The following PHF12 variants were observed in gnomAD, a reference collection of about 807,000 sequenced individuals.
PHF12 encodes the protein PHD finger protein 12.
In PHF12, 6 loss-of-function variants were observed where a neutral mutation model predicts 99.8. The ratio of observed to expected loss-of-function variants is 0.06; its 90% CI spans 0.03 to 0.12. The LOEUF (loss-of-function observed/expected upper bound fraction) is 0.12, where lower values mean the gene tolerates loss of function less well. Among genes scored for constraint, PHF12 ranks in the 10% least tolerant of loss-of-function variants. The pLI is 1.00. For missense variants in PHF12, 954 were observed against 1,300.1 expected (o/e 0.73, Z 4.09); for synonymous variants, 480 against 514.9 (o/e 0.93, Z 0.92).
intron 2 of PHF12, among the ~76,000 whole-genome samples, chr17:28,937,184 G>T (rs187014660): frequency 6.6e-6 from 1 of 152,216 alleles, no homozygotes; most frequent in Admixed American, 6.5e-5. Context: ...TAAAGTGCAT[G>T]CCTTGAGGGA....
chr17:28,943,487 G>T (rs902165480), intron 2 of PHF12, among the ~76,000 whole-genome samples: 2 of 151,962 alleles, frequency 1.3e-5, no homozygotes, highest in Admixed American at 1.3e-4. Context: ...AAAATTAGTC[G>T]GGCGTGGTGG....
At chr17:28,933,196 C>G (rs1215598080) in intron 2 of PHF12, among the ~76,000 whole-genome samples, 1 of 152,196 alleles carries the variant, frequency 6.6e-6, no homozygotes, top group Non-Finnish European at 1.5e-5. Flanking sequence ...ACCAGAGTTT[C>G]AGCTGCTTAG....
intron 11 of PHF12, chr17:28,909,625 C>G (rs2039925896): frequency 6.4e-6 from 1 of 156,106 alleles, no homozygotes; most frequent in African/African-American, 2.4e-5. Context: ...GGGTCTCACT[C>G]TGTCACCCAG....
Position 28,951,146 on chromosome 17 carries a change from G to A in PHF12, c.-186C>T, listed in dbSNP as rs1598170761. On this transcript the variant is annotated 5_prime_UTR_variant, in exon 1 of 15. Coordinates refer to ENST00000332830, the MANE Select transcript of PHF12 (RefSeq NM_001033561.2). ...GTCCCCGGGACGACAGCGTCCTCCCGACGGGCCGCGAGGGGGGAGCGGCCC... is the reference window on the plus strand; with the variant it reads ...GTCCCCGGGACGACAGCGTCCTCCCAACGGGCCGCGAGGGGGGAGCGGCCC... The A allele has an allele frequency of 7.1e-7, 1 of 1,416,506 alleles. No individual in the cohort carries two copies. Among genetic ancestry groups the A allele is most frequent in the Non-Finnish European group, 9.2e-7 (1 of 1,087,204 alleles). The allele number at this position is 1,416,506 out of a possible 1,614,324, so 87.7% of individuals were successfully genotyped here.
Position 28,950,013 on chromosome 17 carries a change from A to G in PHF12, c.248+52T>C. On this transcript the variant is annotated intron_variant, in intron 2 of 14. Transcript: ENST00000332830. The surrounding 1 kb of genome is among the most constrained non-coding windows in gnomAD (Gnocchi z 5.7). ...AGTCAGGGGCAGGCCGGGTGAAGGA[A>G]TGCGCAGAGAAGGGTCCGCCAAGAA... 1.4e-6 allele frequency: 2 copies of G among 1,479,264 alleles called. No homozygotes were observed. The highest frequency in any genetic ancestry group is 1.8e-6 in the Non-Finnish European group (2 of 1,101,712). 91.6% of individuals were successfully genotyped at this position (1,479,264 alleles called of 1,614,324 possible).
Position 28,949,275 on chromosome 17 carries a change from C to G in PHF12, c.248+790G>C, listed in dbSNP as rs929198354. Among the ~76,000 whole-genome samples, 4 of 152,084 alleles carry G rather than the reference C, an allele frequency of 2.6e-5. No individual in the cohort carries two copies. Among genetic ancestry groups the G allele is most frequent in the African/African-American group, 4.8e-5 (2 of 41,390 alleles). ...GCAATTTTAATTGTCTAACCCGGCC[C>G]GATTTCCTAAGAGGCAGCGGCGCCG... On this transcript the variant is annotated intron_variant, in intron 2 of 14. Coordinates refer to ENST00000332830, the MANE Select transcript of PHF12 (RefSeq NM_001033561.2). The surrounding 1 kb of genome is among the most constrained non-coding windows in gnomAD (Gnocchi z 4.6).
At chr17:28,934,553 G>A (rs1415555198) in intron 2 of PHF12, among the ~76,000 whole-genome samples, 2 of 151,522 alleles carry the variant, frequency 1.3e-5, no homozygotes, top group Admixed American at 6.6e-5. Flanking sequence ...GAATGTTTAA[G>A]TCTGTCTAGA....
chr17:28,936,902 C>T (rs556128121), intron 2 of PHF12, among the ~76,000 whole-genome samples: 1 of 152,204 alleles, frequency 6.6e-6, no homozygotes, highest in Non-Finnish European at 1.5e-5. Flanking sequence ...AACTAGCCTA[C>T]TCTCCCTCAG....
chr17:28,906,781 G>A lies in PHF12; in HGVS notation c.2680+75C>T, dbSNP rs757070855. The A allele has an allele frequency of 8.5e-5, 129 of 1,519,936 alleles. No homozygotes were observed. The highest frequency in any genetic ancestry group is 1.0e-4 in the Non-Finnish European group (118 of 1,125,326). 94.2% of individuals were successfully genotyped at this position (1,519,936 alleles called of 1,614,324 possible). A position where few individuals can be genotyped will look rare whatever the true frequency, so the allele number is the denominator to read the frequency against. ...AATAGGACTGGGAAGGCAAGAGACA[G>A]ACCATGGGCAGCAAGTCAGAACCAC... is the stretch of plus-strand genomic sequence containing the variant. On this transcript the variant is annotated intron_variant, in intron 14 of 14. Coordinates refer to ENST00000332830, the MANE Select transcript of PHF12 (RefSeq NM_001033561.2). The surrounding 1 kb of genome is among the most constrained non-coding windows in gnomAD (Gnocchi z 4.2).
In PHF12 at chr17:28,951,019, G is replaced by A. The variant is rs2040801557; in HGVS notation, c.-59C>T. 3.1e-6 allele frequency: 5 copies of A among 1,608,498 alleles called. No individual in the cohort carries two copies. Among genetic ancestry groups the A allele is most frequent in the Non-Finnish European group, 4.2e-6 (5 of 1,177,128 alleles). On this transcript the variant is annotated 5_prime_UTR_variant, in exon 1 of 15. Coordinates refer to ENST00000332830, the MANE Select transcript of PHF12 (RefSeq NM_001033561.2). ...CGGCCCCCCCAACCCCGGGGGGAGG[G>A]GGGAGGTGAGGGGAGGGGGCGCTCC... is the stretch of plus-strand genomic sequence containing the variant.
intron 2 of PHF12, among the ~76,000 whole-genome samples, chr17:28,943,213 G>C (rs1400163699): frequency 6.6e-6 from 1 of 152,212 alleles, no homozygotes; most frequent in African/African-American, 2.4e-5. Flanking sequence ...CTACTGGTAG[G>C]AAAGTAAAAT....
chr17:28,914,157 G>A (rs2040019451), intron 7 of PHF12, 120 bp from the exon 8 acceptor site: 1 of 1,122,004 alleles, frequency 8.9e-7, no homozygotes, highest in Non-Finnish European at 1.2e-6. Context: ...TCCACTCTGG[G>A]GTCTGCTGAG....
chr17:28,906,774 A>G lies in PHF12; in HGVS notation c.2680+82T>C. 3.3e-6 allele frequency: 5 copies of G among 1,509,304 alleles called. No individual in the cohort carries two copies. The highest frequency in any genetic ancestry group is 4.5e-6 in the Non-Finnish European group (5 of 1,119,464). The allele number at this position is 1,509,304 out of a possible 1,614,324, so 93.5% of individuals were successfully genotyped here. On this transcript the variant is annotated intron_variant, in intron 14 of 14. Coordinates refer to ENST00000332830, the MANE Select transcript of PHF12 (RefSeq NM_001033561.2). This position sits in a 1 kb window ranked among gnomAD's most constrained non-coding sequence, Gnocchi z 4.2. Reference sequence around the variant, plus strand: ...CTTGGCCAATAGGACTGGGAAGGCAAGAGACAGACCATGGGCAGCAAGTCA... The same window carrying G: ...CTTGGCCAATAGGACTGGGAAGGCAGGAGACAGACCATGGGCAGCAAGTCA...
intron 2 of PHF12, chr17:28,944,767 A>G (rs2040691825): frequency 6.5e-6 from 1 of 152,692 alleles, no homozygotes; most frequent in African/African-American, 2.4e-5. Context: ...TGTTTACTGT[A>G]GAATCATTTT....
At chr17:28,944,428 C>T in intron 2 of PHF12, 1 of 852,796 alleles carries the variant, frequency 1.2e-6, no homozygotes, top group Non-Finnish European at 1.4e-6. Context: ...CACTTGCACT[C>T]ATTTCATAAC....
rs556812513 is a variant in PHF12 at position 28,949,246 on chromosome 17, A to G, written c.248+819T>C. Among the ~76,000 whole-genome samples, 1 of 152,332 alleles carries G rather than the reference A, an allele frequency of 6.6e-6. No homozygotes were observed. The highest frequency in any genetic ancestry group is 6.5e-5 in the Admixed American group (1 of 15,302). On this transcript the variant is annotated intron_variant, in intron 2 of 14. Transcript: ENST00000332830. The surrounding 1 kb of genome is among the most constrained non-coding windows in gnomAD (Gnocchi z 4.6). The stretch of plus-strand genomic sequence containing the variant: ...GAGCGGAGAAATGAAATCGGCGCCC[A>G]AGGGCAATTTTAATTGTCTAACCCG...
In PHF12 at chr17:28,951,414, TCGC is replaced by T; in HGVS notation, c.-457_-455del. 4 of 987,336 alleles carry T rather than the reference TCGC, an allele frequency of 4.1e-6. No homozygotes were observed. The highest frequency in any genetic ancestry group is 4.8e-6 in the Non-Finnish European group (4 of 831,220). The allele number at this position is 987,336 out of a possible 1,614,324, so 61.2% of individuals were successfully genotyped here. A position where few individuals can be genotyped will look rare whatever the true frequency, so the allele number is the denominator to read the frequency against. ...GGGGGTGGTCCCCGGGCTCCGCCTC[TCGC>T]CGCCGCCGCCGTCTGCGTCCCGGCT... On this transcript the variant is annotated 5_prime_UTR_variant, in exon 1 of 15. Transcript: ENST00000332830.
chr17:28,933,494 T>TTTG (rs570262083), intron 2 of PHF12, among the ~76,000 whole-genome samples: 2 of 152,202 alleles, frequency 1.3e-5, no homozygotes, highest in African/African-American at 2.4e-5. Flanking sequence ...CTAAGCTATT[T>TTTG]TTGTTGTTGT....
At chr17:28,926,912 G>C in intron 3 of PHF12, 79 bp downstream of exon 3, 1 of 1,605,598 alleles carries the variant, frequency 6.2e-7, no homozygotes, top group African/African-American at 1.3e-5. Context: ...ATGCCTTCAG[G>C]GCTAGGCCGT....
Sources: gnomAD v4.1 joint callset for allele counts (sites outside exome capture counted in the v4.1 genomes callset) on GRCh38, gnomAD v4.1.1 for gene constraint, Gnocchi (gnomAD v3.1) non-coding constraint, MANE v1.5 for transcripts, NCBI Gene and HGNC (gene_info 2026-07-23, HGNC 2026-07-21) for gene names.